SCUBE1: variants seen among roughly 807,000 people sequenced by gnomAD.
SCUBE1 encodes signal peptide, CUB and EGF-like domain-containing protein 1.
SCUBE1 carries 59 observed loss-of-function variants against 124.4 expected under a neutral mutation model. The ratio of observed to expected loss-of-function variants is 0.47; its 90% CI spans 0.38 to 0.59. SCUBE1 has a LOEUF of 0.59. Ranked by LOEUF, SCUBE1 falls within the 20% of genes least tolerant of loss-of-function variation. The probability of loss-of-function intolerance (pLI) is 0.00; values close to 1 mark genes in which losing one functional copy is unlikely to be tolerated. For synonymous variants in SCUBE1, 545 were observed against 550.9 expected (o/e 0.99, Z 0.15); for missense variants, 1,150 against 1,371.2 (o/e 0.84, Z 2.55).
intron 3 of SCUBE1, among the ~76,000 whole-genome samples, chr22:43,293,991 G>A (rs1292149432): frequency 2.0e-5 from 3 of 152,222 alleles, no homozygotes; most frequent in African/African-American, 7.2e-5. Flanking sequence ...TCAGTGACCT[G>A]GCAGGGCGGC....
intron 3 of SCUBE1, among the ~76,000 whole-genome samples, chr22:43,305,776 G>A (rs1355084413): frequency 6.6e-6 from 1 of 152,196 alleles, no homozygotes; most frequent in Non-Finnish European, 1.5e-5. Context: ...AGCCAGGGGA[G>A]GGCAAGCCTG....
intron 4 of SCUBE1, among the ~76,000 whole-genome samples, chr22:43,274,380 G>A (rs139043): frequency 0.42 from 63,634 of 151,962 alleles, 16,000 homozygotes; most frequent in Non-Finnish European, 0.57. Context: ...CAGTTTAAAT[G>A]GGCACTCTGT....
At chr22:43,308,129 T>C (rs1926040955) in intron 3 of SCUBE1, among the ~76,000 whole-genome samples, 1 of 152,176 alleles carries the variant, frequency 6.6e-6, no homozygotes, top group Non-Finnish European at 1.5e-5. Flanking sequence ...TGTAGCGATT[T>C]GGGAAAAGAA....
intron 10 of SCUBE1, 65 bp from the exon 11 acceptor site, chr22:43,223,281 G>T (rs1287946530): frequency 3.3e-6 from 5 of 1,517,924 alleles, no homozygotes; most frequent in Non-Finnish European, 4.4e-6. Flanking sequence ...GAGCCAGGAG[G>T]GTCCTGGGTA....
rs1569496816 is a variant in SCUBE1 at position 43,214,063 on chromosome 22, CACCTCTCCTTCTAGG to C, written c.2053+12_2053+26del. 4.5e-6 allele frequency: 3 copies of C among 663,990 alleles called. No individual in the cohort carries two copies. The highest frequency in any genetic ancestry group is 3.6e-5 in the South Asian group (2 of 56,094). The allele number at this position is 663,990 out of a possible 1,614,324, so 41.1% of individuals were successfully genotyped here. On this transcript the variant is annotated intron_variant, in intron 16 of 21. Coordinates refer to ENST00000360835, the MANE Select transcript of SCUBE1 (RefSeq NM_173050.5). ...GGAGCCCCCGCCCACCCCCCACCCCCACCTCTCCTTCTAGGCCCGCACTTGCCTCCACATTCCGAC... is the reference window on the plus strand; with the variant it reads ...GGAGCCCCCGCCCACCCCCCACCCCCCCCGCACTTGCCTCCACATTCCGAC...
intron 3 of SCUBE1, 55 bp from the exon 4 acceptor site, chr22:43,291,235 G>A: frequency 1.3e-6 from 2 of 1,574,062 alleles, no homozygotes; most frequent in South Asian, 1.1e-5. Context: ...TGGAAGCAGG[G>A]CATGAGGGGC....
At chr22:43,333,981 C>T (rs1926981579) in intron 2 of SCUBE1, among the ~76,000 whole-genome samples, 1 of 152,210 alleles carries the variant, frequency 6.6e-6, no homozygotes, top group Non-Finnish European at 1.5e-5. Flanking sequence ...GTCCTCGGGG[C>T]ATGCTCTGCT....
At chr22:43,299,311 G>A (rs1569019990) in intron 3 of SCUBE1, among the ~76,000 whole-genome samples, 1 of 152,114 alleles carries the variant, frequency 6.6e-6, no homozygotes, top group Admixed American at 6.5e-5. Flanking sequence ...TCACGGGTAC[G>A]AACGTACTCC....
chr22:43,319,787 C>T, intron 3 of SCUBE1, 150 bp downstream of exon 3: 2 of 872,706 alleles, frequency 2.3e-6, no homozygotes, highest in East Asian at 2.8e-5. Context: ...CTAAGCCACC[C>T]AGTCTGTGGT....
intron 21 of SCUBE1, among the ~76,000 whole-genome samples, chr22:43,207,238 TGAG>T (rs1409208098): frequency 6.6e-6 from 1 of 152,178 alleles, no homozygotes; most frequent in East Asian, 1.9e-4. Flanking sequence ...ATTCTACAGA[TGAG>T]GAGAGTGAGG....
At chr22:43,321,176 G>C (rs1016279800) in intron 2 of SCUBE1, among the ~76,000 whole-genome samples, 1 of 152,218 alleles carries the variant, frequency 6.6e-6, no homozygotes, top group African/African-American at 2.4e-5. Flanking sequence ...GGAAGCCGGG[G>C]TCACTCCCCT....
In SCUBE1 at chr22:43,223,106, A is replaced by G. The variant is rs1314978862; in HGVS notation, c.1318T>C (p.Phe440Leu). The change falls in exon 11 of 22, where the codon TTC becomes CTC. Residue 440 changes from phenylalanine to leucine, a missense_variant. Physicochemically the swap from Phe to Leu is conservative, Grantham distance 22. Coordinates refer to ENST00000360835, the MANE Select transcript of SCUBE1 (RefSeq NM_173050.5). Reference protein sequence around the residue: ...CFLSCPAHTLFVPDSENSYVL... With the variant: ...CFLSCPAHTLLVPDSENSYVL... ...GGACGGCCCGGGTTACCTGGCACGA[A>G]GAGTGTGTGAGCCGGGCAGGAAAGG... is the stretch of plus-strand genomic sequence containing the variant. 1.3e-6 allele frequency: 2 copies of G among 1,543,644 alleles called. No individual in the cohort carries two copies. The highest frequency in any genetic ancestry group is 1.7e-6 in the Non-Finnish European group (2 of 1,150,474).
chr22:43,279,941 G>C (rs899867204), intron 4 of SCUBE1, among the ~76,000 whole-genome samples: 2 of 152,194 alleles, frequency 1.3e-5, no homozygotes, highest in Non-Finnish European at 2.9e-5. Context: ...AACTCCACAA[G>C]TGTCCCAAGC....
In SCUBE1 at chr22:43,198,904, AGTTTGTCTGTCTGCTGTCTGGGGCAGTTT is replaced by A; in HGVS notation, c.*5064_*5092del. ...CAGTTTGCTGTCTGCTTTCCGGGGC[AGTTTGTCTGTCTGCTGTCTGGGGCAGTTT>A]GTCTGTCTGTCTGCTGTCCGGGGCA... On this transcript the variant is annotated 3_prime_UTR_variant, in exon 22 of 22. Coordinates refer to ENST00000360835, the MANE Select transcript of SCUBE1 (RefSeq NM_173050.5). 1 of 368,070 alleles carries A rather than the reference AGTTTGTCTGTCTGCTGTCTGGGGCAGTTT, an allele frequency of 2.7e-6. No homozygotes were observed. The highest frequency in any genetic ancestry group is 5.3e-6 in the Non-Finnish European group (1 of 187,076). 22.8% of individuals were successfully genotyped at this position (368,070 alleles called of 1,614,324 possible). A position where few individuals can be genotyped will look rare whatever the true frequency, so the allele number is the denominator to read the frequency against.
chr22:43,243,339 G>T (rs1459892426), intron 6 of SCUBE1, among the ~76,000 whole-genome samples: 1 of 152,214 alleles, frequency 6.6e-6, no homozygotes. Flanking sequence ...GAGAAGGAAG[G>T]CCAGGCGCAG....
At chr22:43,285,811 G>A (rs1243264011) in intron 4 of SCUBE1, among the ~76,000 whole-genome samples, 4 of 152,358 alleles carry the variant, frequency 2.6e-5, no homozygotes, top group African/African-American at 4.8e-5. Flanking sequence ...GGGCTGCCCC[G>A]AGGCCAAATA....
chr22:43,269,197 G>A (rs1345671624), intron 4 of SCUBE1, among the ~76,000 whole-genome samples: 2 of 152,098 alleles, frequency 1.3e-5, no homozygotes, highest in Non-Finnish European at 2.9e-5. Flanking sequence ...GCTTCCTCCC[G>A]ATGGGCCCTC....
Position 43,220,455 on chromosome 22 carries a change from G to A in SCUBE1, c.1682C>T (p.Ala561Val), listed in dbSNP as rs376155843. ...EFEIETKMEEASDTCEADCLR... is the reference protein window; with the variant it reads ...EFEIETKMEEVSDTCEADCLR... The stretch of plus-strand genomic sequence containing the variant: ...CAGGAGAACCCCTCACCTACCTGAG[G>A]CCTCTTCCATCTTTGTCTCGATCTC... The change falls in exon 14 of 22, where the codon GCC (alanine) becomes GTC (valine). Residue 561 changes from alanine to valine, a missense_variant. By Grantham distance (64) the Ala-to-Val change is moderately conservative (BLOSUM62 0). This residue lies in a region of SCUBE1 where 757 missense variants were observed against 840.9 expected (regional missense o/e 0.90). Coordinates refer to ENST00000360835, the MANE Select transcript of SCUBE1 (RefSeq NM_173050.5). 3 of 1,613,722 alleles carry A rather than the reference G, an allele frequency of 1.9e-6. No homozygotes were observed. Among genetic ancestry groups the A allele is most frequent in the Non-Finnish European group, 2.5e-6 (3 of 1,179,760 alleles).
Position 43,234,424 on chromosome 22 carries a change from C to T in SCUBE1, c.845-2549G>A, listed in dbSNP as rs1922676332. On this transcript the variant is annotated intron_variant, in intron 7 of 21. Transcript: ENST00000360835. This position sits in a 1 kb window ranked among gnomAD's most constrained non-coding sequence, Gnocchi z 4.4. ...TGATCATTCTCACCACTCCTGCCTC[C>T]TCAGTGGAGCCTCAGGCCTTCCAGA... Among the ~76,000 whole-genome samples the T allele has an allele frequency of 6.6e-6, 1 of 152,240 alleles. No homozygotes were observed. Among genetic ancestry groups the T allele is most frequent in the Admixed American group, 6.5e-5 (1 of 15,290 alleles).
Sources: allele counts gnomAD v4.1 joint callset (sites outside exome capture counted in the v4.1 genomes callset), GRCh38; gene constraint gnomAD v4.1.1; regional missense constraint gnomAD v4.1.1; non-coding constraint Gnocchi (gnomAD v3.1); transcripts MANE v1.5; gene names NCBI Gene and HGNC (gene_info 2026-07-23, HGNC 2026-07-21).